Variants in QTMAN observed in about 807,000 individuals in gnomAD.
QTMAN encodes the protein tRNA-queuosine alpha-mannosyltransferase.
At chr2:143,997,807 T>C in the QTMAN span, among the ~76,000 whole-genome samples, 1 of 152,082 alleles carries the variant, frequency 6.6e-6, no homozygotes, top group African/African-American at 2.4e-5. Flanking sequence ...TAAAAAAGCC[T>C]CACTCATCTA....
the QTMAN span, among the ~76,000 whole-genome samples, chr2:144,071,482 G>A: frequency 1.3e-5 from 2 of 152,120 alleles, no homozygotes; most frequent in Non-Finnish European, 2.9e-5. Context: ...AAAGGCTAAA[G>A]TTAACAGAAA....
the QTMAN span, among the ~76,000 whole-genome samples, chr2:144,015,467 C>A: frequency 1.3e-5 from 2 of 152,128 alleles, no homozygotes; most frequent in Admixed American, 6.5e-5. Flanking sequence ...CCTCACCCAC[C>A]ACTGCCACTA....
the QTMAN span, among the ~76,000 whole-genome samples, chr2:144,191,108 C>T: frequency 6.6e-6 from 1 of 152,182 alleles, no homozygotes; most frequent in African/African-American, 2.4e-5. Context: ...ATGCATATTG[C>T]CACTGTGTCA....
the QTMAN span, among the ~76,000 whole-genome samples, chr2:144,312,793 T>C: frequency 6.6e-6 from 1 of 152,154 alleles, no homozygotes; most frequent in Non-Finnish European, 1.5e-5. Context: ...TTACAAGTGT[T>C]TGGCAAGTTC....
At chr2:144,201,653 T>C in the QTMAN span, among the ~76,000 whole-genome samples, 1 of 152,232 alleles carries the variant, frequency 6.6e-6, no homozygotes, top group African/African-American at 2.4e-5. Context: ...TGGCTTTGTA[T>C]CACCAGTGCT....
chr2:143,946,767 A>G, the QTMAN span: 3 of 394,150 alleles, frequency 7.6e-6, no homozygotes, highest in Non-Finnish European at 1.4e-5. Context: ...AACAGGCCAC[A>G]TATTTTTTTT....
the QTMAN span, among the ~76,000 whole-genome samples, chr2:144,041,753 T>G: frequency 6.6e-6 from 1 of 152,024 alleles, no homozygotes; most frequent in Non-Finnish European, 1.5e-5. Context: ...GCTGCAAGCT[T>G]GTAGGAGAGG....
the QTMAN span, among the ~76,000 whole-genome samples, chr2:144,275,400 C>T: frequency 6.6e-6 from 1 of 151,274 alleles, no homozygotes; most frequent in South Asian, 2.1e-4. Context: ...AAAAAAAAAG[C>T]CTTGAATATT....
chr2:144,245,836 T>G, the QTMAN span, among the ~76,000 whole-genome samples: 1 of 152,208 alleles, frequency 6.6e-6, no homozygotes, highest in Non-Finnish European at 1.5e-5. Context: ...ATTAGACTCA[T>G]GGGAATAATC....
At chr2:144,258,659 T>C in the QTMAN span, among the ~76,000 whole-genome samples, 1 of 152,096 alleles carries the variant, frequency 6.6e-6, no homozygotes, top group Non-Finnish European at 1.5e-5. Flanking sequence ...TAAGCTCTTC[T>C]TAAGAAGTGT....
the QTMAN span, among the ~76,000 whole-genome samples, chr2:144,103,674 T>C: frequency 1.3e-5 from 2 of 152,132 alleles, no homozygotes; most frequent in Admixed American, 6.5e-5. Context: ...AATAAAACCT[T>C]GAAATGCTGA....
the QTMAN span, among the ~76,000 whole-genome samples, chr2:144,106,173 G>A: frequency 2.1e-4 from 32 of 152,240 alleles, no homozygotes; most frequent in East Asian, 1.5e-3. Flanking sequence ...AAAGACCATC[G>A]ATGCTAGGAA....
At chr2:144,095,156 G>T in the QTMAN span, among the ~76,000 whole-genome samples, 2 of 151,920 alleles carry the variant, frequency 1.3e-5, no homozygotes, top group Non-Finnish European at 2.9e-5. Context: ...TCCTACTCAG[G>T]GTGAATTATT....
the QTMAN span, among the ~76,000 whole-genome samples, chr2:144,175,183 G>T: frequency 6.6e-6 from 1 of 152,078 alleles, no homozygotes; most frequent in African/African-American, 2.4e-5. Flanking sequence ...GAAAGATAAT[G>T]TTGATTAAAA....
At chr2:143,985,182 A>C in the QTMAN span, among the ~76,000 whole-genome samples, 2 of 152,238 alleles carry the variant, frequency 1.3e-5, no homozygotes, top group Non-Finnish European at 2.9e-5. Flanking sequence ...CCCAAGAAAG[A>C]AGCAACCGGC....
chr2:144,131,390 C>G, the QTMAN span, among the ~76,000 whole-genome samples: 2 of 151,844 alleles, frequency 1.3e-5, no homozygotes, highest in African/African-American at 4.8e-5. Context: ...GTGCTTCCTC[C>G]TTTTCATTGT....
At chr2:144,252,411 A>AG in the QTMAN span, among the ~76,000 whole-genome samples, 19 of 152,214 alleles carry the variant, frequency 1.2e-4, no homozygotes, top group East Asian at 1.7e-3. Context: ...ATAAAAAGTA[A>AG]GGGGGGGCAA....
At chr2:144,246,224 T>C in the QTMAN span, among the ~76,000 whole-genome samples, 1 of 152,222 alleles carries the variant, frequency 6.6e-6, no homozygotes, top group Non-Finnish European at 1.5e-5. Context: ...TTGCCTGCCA[T>C]AAGCCAAAGA....
chr2:144,329,283 T>TA, the QTMAN span, among the ~76,000 whole-genome samples: 32 of 147,656 alleles, frequency 2.2e-4, no homozygotes, highest in African/African-American at 3.0e-4. Context: ...ATTCTGATAT[T>TA]AAAAAAAAAA....
Sources: allele counts gnomAD v4.1 joint callset (sites outside exome capture counted in the v4.1 genomes callset), GRCh38; gene constraint gnomAD v4.1.1; transcripts MANE v1.5; gene names NCBI Gene and HGNC (gene_info 2026-07-23, HGNC 2026-07-21).